Variants in TTLL6 observed in about 807,000 individuals in gnomAD.
TTLL6 encodes tubulin tyrosine ligase like 6.
Under a neutral mutation model 96.4 loss-of-function variants are expected in TTLL6, and 75 were observed. The ratio of observed to expected loss-of-function variants is 0.78; its 90% CI spans 0.65 to 0.94. The LOEUF (loss-of-function observed/expected upper bound fraction) is 0.94, where lower values mean the gene tolerates loss of function less well. TTLL6 is among the 40% of genes least tolerant of loss of function. The pLI is 0.00. For synonymous variants in TTLL6, 411 were observed against 419.4 expected, an observed-to-expected ratio of 0.98 and a Z score of 0.24; for missense variants, 1,030 against 1,093.0, an observed-to-expected ratio of 0.94 and a Z score of 0.81.
At chr17:48,771,723 C>T (rs2038752144) in intron 13 of TTLL6, among the ~76,000 whole-genome samples, 1 of 151,920 alleles carries the variant, frequency 6.6e-6, no homozygotes, top group Non-Finnish European at 1.5e-5. Context: ...AATCCAGAGA[C>T]TCTACAATGA....
At chr17:48,787,692 G>A in intron 11 of TTLL6, 119 bp downstream of exon 11, 1 of 1,017,328 alleles carries the variant, frequency 9.8e-7, no homozygotes, top group Admixed American at 2.5e-5. Flanking sequence ...CACGGCGCCT[G>A]GTTGCTCTGG....
intron 13 of TTLL6, among the ~76,000 whole-genome samples, chr17:48,779,381 C>T (rs902962979): frequency 2.0e-4 from 23 of 113,068 alleles, no homozygotes; most frequent in Admixed American, 2.0e-3. Flanking sequence ...AAAAAAAAGA[C>T]AGATAACGCC....
intron 15 of TTLL6, among the ~76,000 whole-genome samples, 166 bp from the exon 16 acceptor site, chr17:48,763,139 T>C (rs1227146995): frequency 1.3e-5 from 2 of 150,258 alleles, no homozygotes; most frequent in Non-Finnish European, 3.0e-5. Flanking sequence ...ACATTCATCT[T>C]CCTGTAGCCT....
intron 15 of TTLL6, among the ~76,000 whole-genome samples, chr17:48,768,161 T>C (rs1002768908): frequency 1.4e-4 from 21 of 152,126 alleles, no homozygotes; most frequent in Non-Finnish European, 2.5e-4. Flanking sequence ...AGTGGTGCAA[T>C]CCCGACTCAC....
At chr17:48,813,249 C>T (rs2039619770) in intron 1 of TTLL6, among the ~76,000 whole-genome samples, 1 of 152,148 alleles carries the variant, frequency 6.6e-6, no homozygotes, top group Non-Finnish European at 1.5e-5. Flanking sequence ...ATCTTAGTGA[C>T]TTTAGTCTCT....
chr17:48,794,326 A>G (rs1049535357), intron 8 of TTLL6: 28 of 1,603,326 alleles, frequency 1.7e-5, no homozygotes, highest in Non-Finnish European at 2.4e-5. Flanking sequence ...CCTTAGACTA[A>G]GGAAAAATGA....
chr17:48,791,308 G>T, intron 9 of TTLL6, 70 bp downstream of exon 9: 1 of 1,372,870 alleles, frequency 7.3e-7, no homozygotes, highest in Non-Finnish European at 1.0e-6. Flanking sequence ...AGCCAGGAGG[G>T]CGGAATCCTT....
intron 13 of TTLL6, among the ~76,000 whole-genome samples, chr17:48,778,679 C>T (rs1215267541): frequency 1.3e-5 from 2 of 151,682 alleles, no homozygotes; most frequent in African/African-American, 2.4e-5. Flanking sequence ...CACCTATAAT[C>T]CTAGCACTTT....
At chr17:48,803,531 A>G (rs749477731) in intron 3 of TTLL6, among the ~76,000 whole-genome samples, 12 of 152,124 alleles carry the variant, frequency 7.9e-5, no homozygotes, top group African/African-American at 2.4e-4. Context: ...ACTGTGTTCT[A>G]AAATAGAAAA....
chr17:48,797,028 G>T (rs973740388), intron 7 of TTLL6, 33 bp downstream of exon 7: 2 of 1,540,222 alleles, frequency 1.3e-6, no homozygotes, highest in Non-Finnish European at 1.8e-6. Flanking sequence ...ACGCTATGGG[G>T]GTAGGGTGAG....
intron 13 of TTLL6, among the ~76,000 whole-genome samples, chr17:48,777,360 C>T (rs537358749): frequency 1.6e-4 from 24 of 152,094 alleles, no homozygotes; most frequent in African/African-American, 5.1e-4. Flanking sequence ...TTTGGGAGGC[C>T]GAGGCAGGAG....
chr17:48,813,202 T>C (rs1190347295), intron 1 of TTLL6, among the ~76,000 whole-genome samples: 1 of 152,118 alleles, frequency 6.6e-6, no homozygotes, highest in East Asian at 1.9e-4. Flanking sequence ...AGTGTGACCA[T>C]AAACTAAAGT....
chr17:48,772,536 C>T (rs865955001), intron 13 of TTLL6, among the ~76,000 whole-genome samples: 26 of 152,018 alleles, frequency 1.7e-4, no homozygotes, highest in African/African-American at 6.3e-4. Flanking sequence ...TCGAGACCAT[C>T]CTGGCCAACA....
At chr17:48,799,142 C>T (rs898009984) in intron 6 of TTLL6, among the ~76,000 whole-genome samples, 54 of 152,316 alleles carry the variant, frequency 3.5e-4, no homozygotes, top group African/African-American at 1.2e-3. Flanking sequence ...TGCAGTTCTA[C>T]AAGAGTTCTC....
intron 8 of TTLL6, chr17:48,794,337 C>G (rs1419474179): frequency 2.5e-6 from 4 of 1,591,434 alleles, no homozygotes; most frequent in Non-Finnish European, 3.4e-6. Flanking sequence ...GGAAAAATGA[C>G]AGTAACCACG....
At chr17:48,794,252 G>C in intron 8 of TTLL6, 1 of 1,614,004 alleles carries the variant, frequency 6.2e-7, no homozygotes, top group Non-Finnish European at 8.5e-7. Context: ...CGAGGGCCCA[G>C]GGCCTGCTGT....
At chr17:48,814,211 C>T (rs1293545379) in intron 1 of TTLL6, among the ~76,000 whole-genome samples, 2 of 147,704 alleles carry the variant, frequency 1.4e-5, no homozygotes, top group South Asian at 2.2e-4. Flanking sequence ...CCCAGCTACT[C>T]GGTAGGCTGG....
intron 13 of TTLL6, among the ~76,000 whole-genome samples, chr17:48,775,709 T>C (rs2038856875): frequency 6.6e-6 from 1 of 152,014 alleles, no homozygotes; most frequent in African/African-American, 2.4e-5. Flanking sequence ...ATCCGGTTAA[T>C]TTTGTATTTT....
chr17:48,801,209 AT>A, intron 5 of TTLL6, 45 bp downstream of exon 5: 1 of 1,523,928 alleles, frequency 6.6e-7, no homozygotes, highest in South Asian at 1.2e-5. Flanking sequence ...GGAAATGTAA[AT>A]GGGGAGGGGA....
Sources: allele counts gnomAD v4.1 joint callset (sites outside exome capture counted in the v4.1 genomes callset), GRCh38; gene constraint gnomAD v4.1.1; transcripts MANE v1.5; gene names NCBI Gene and HGNC (gene_info 2026-07-23, HGNC 2026-07-21).